Variants in DDX20 observed in about 807,000 individuals in gnomAD.
The protein encoded by DDX20 is probable ATP-dependent RNA helicase DDX20.
A neutral mutation model predicts 76.4 loss-of-function variants in DDX20; 61 were observed. The observed-to-expected ratio is 0.80, with a 90% CI of 0.65 to 0.99. The LOEUF is 0.99. Ranked by LOEUF, DDX20 falls within the 50% of genes least tolerant of loss-of-function variation. The pLI is 0.00. For synonymous variants in DDX20, 357 were observed against 357.4 expected (o/e 1.00, Z 0.01); for missense variants, 976 against 996.8 (o/e 0.98, Z 0.28).
intron 2 of DDX20, 29 bp downstream of exon 2, chr1:111,756,769 A>T: frequency 6.3e-7 from 1 of 1,576,932 alleles, no homozygotes. Context: ...CCAGAGGAGG[A>T]TGTGTTTTGT....
At chr1:111,762,476 A>G in intron 8 of DDX20, 139 bp downstream of exon 8, 1 of 853,324 alleles carries the variant, frequency 1.2e-6, no homozygotes, top group Non-Finnish European at 1.8e-6. Flanking sequence ...AGTGCTGAGG[A>G]AAATACTTTC....
At position 111,767,897 on chromosome 1, in the gene DDX20, AT is replaced by A; in HGVS notation, c.*1002del. On this transcript the variant is annotated 3_prime_UTR_variant, in exon 11 of 11. Coordinates refer to ENST00000369702, the MANE Select transcript of DDX20 (RefSeq NM_007204.5). Reference sequence around the variant, plus strand: ...ATCCTAATTTTGTGTCTTCTAGAAAATTTTCCCCAGTTTTTACCTCTAATGT... The same window carrying A: ...ATCCTAATTTTGTGTCTTCTAGAAAATTTCCCCAGTTTTTACCTCTAATGT... 1 of 152,096 alleles carries A rather than the reference AT, an allele frequency of 6.6e-6. No individual in the cohort carries two copies. The highest frequency in any genetic ancestry group is 6.5e-5 in the Admixed American group (1 of 15,284). 9.4% of individuals were successfully genotyped at this position (152,096 alleles called of 1,614,324 possible). A position where few individuals can be genotyped will look rare whatever the true frequency, so the allele number is the denominator to read the frequency against.
chr1:111,765,810 T>C lies in DDX20; in HGVS notation c.1386T>C (p.Tyr462=). Residue 462 remains tyrosine, a synonymous_variant, in exon 11 of 11, where the codon TAT becomes TAC. Transcript: ENST00000369702. ...DVEVKAAVHT[Y]GIASVPNQPL... ...AAGTTAAAGCTGCTGTGCATACATATGGTATAGCAAGTGTACCTAACCAAC... is the reference window on the plus strand; with the variant it reads ...AAGTTAAAGCTGCTGTGCATACATACGGTATAGCAAGTGTACCTAACCAAC... 9.3e-6 allele frequency: 15 copies of C among 1,613,888 alleles called. No homozygotes were observed. The highest frequency in any genetic ancestry group is 5.3e-5 in the African/African-American group (4 of 75,044).
At chr1:111,756,321 G>A in intron 1 of DDX20, 96 bp downstream of exon 1, 2 of 1,294,864 alleles carry the variant, frequency 1.5e-6, no homozygotes, top group Non-Finnish European at 2.0e-6. Context: ...CTCAGGAAGA[G>A]CCCTCGGTCG....
In DDX20 at chr1:111,766,724, C is replaced by G. The variant is rs1283889158; in HGVS notation, c.2300C>G (p.Ser767Cys). ...CATAGGGAAATACGTCTGAGTTTTT[C>G]TGATACCTATCAGGATTATGAGGAG... ...DCHREIRLSF[S>C]DTYQDYEEYW... The change falls in exon 11 of 11, where the codon TCT (serine) becomes TGT (cysteine). Residue 767 changes from serine to cysteine, a missense_variant. By Grantham distance (112) the Ser-to-Cys change is moderately radical (BLOSUM62 -1). Transcript: ENST00000369702. The G allele has an allele frequency of 6.2e-7, 1 of 1,614,038 alleles. No homozygotes were observed. The highest frequency in any genetic ancestry group is 8.5e-7 in the Non-Finnish European group (1 of 1,180,002).
In DDX20 at chr1:111,761,258, A is replaced by G; in HGVS notation, c.995A>G (p.Lys332Arg). The G allele has an allele frequency of 1.2e-6, 2 of 1,613,386 alleles. No individual in the cohort carries two copies. Among genetic ancestry groups the G allele is most frequent in the South Asian group, 2.2e-5 (2 of 90,988 alleles). The change falls in exon 7 of 11, where the codon AAA (lysine) becomes AGA (arginine). Residue 332 changes from lysine to arginine, a missense_variant. Transcript: ENST00000369702. ...CATTTGGCTGATATCCTTTCTTCTA[A>G]AGGCTTTCCTGCTGAGTGCATTTCA... ...AQHLADILSS[K>R]GFPAECISGN... is the part of the protein sequence containing the mutation.
Position 111,766,594 on chromosome 1 carries a change from A to G in DDX20, c.2170A>G (p.Lys724Glu), listed in dbSNP as rs1663786138. The change falls in exon 11 of 11, where the codon AAA (lysine) becomes GAA (glutamate). Residue 724 changes from lysine to glutamate, a missense_variant. Coordinates refer to ENST00000369702, the MANE Select transcript of DDX20 (RefSeq NM_007204.5). ...SPGIQMKTRL[K>E]EGASQRAKQS... ...TGGAATCCAGATGAAGACAAGACTT[A>G]AAGAGGGGGCTAGCCAGAGAGCTAA... 1 of 1,614,216 alleles carries G rather than the reference A, an allele frequency of 6.2e-7. No individual in the cohort carries two copies. Among genetic ancestry groups the G allele is most frequent in the African/African-American group, 1.3e-5 (1 of 75,062 alleles).
In DDX20 at chr1:111,761,120, C is replaced by A; in HGVS notation, c.957C>A (p.His319Gln). 3 of 1,613,338 alleles carry A rather than the reference C, an allele frequency of 1.9e-6. No individual in the cohort carries two copies. The highest frequency in any genetic ancestry group is 2.5e-6 in the Non-Finnish European group (3 of 1,179,682). Residue 319 changes from histidine (H) to glutamine (Q), a missense_variant, in exon 6 of 11, where the codon CAC (histidine) becomes CAA (glutamine). This residue lies in a region of DDX20 where 630 missense variants were observed against 693.7 expected (regional missense o/e 0.91). Transcript: ENST00000369702. Reference protein sequence around the residue: ...FNQALVFSNLHSRAQHLADIL... With the variant: ...FNQALVFSNLQSRAQHLADIL... The stretch of plus-strand genomic sequence containing the variant: ...AAGCTTTAGTCTTTTCTAATTTGCA[C>A]AGCAGGTAATGTAACTTAAAAGGTC...
chr1:111,761,544 G>T, intron 7 of DDX20: 1 of 321,460 alleles, frequency 3.1e-6, no homozygotes, highest in Non-Finnish European at 5.7e-6. Context: ...CTCTCTTATA[G>T]CCACATATAA....
Position 111,756,147 on chromosome 1 carries a change from G to GA in DDX20, c.224dup (p.Leu77AlafsTer31). 1 of 1,568,046 alleles carries GA rather than the reference G, an allele frequency of 6.4e-7. No homozygotes were observed. On this transcript the variant is annotated frameshift_variant, in exon 1 of 11. Coordinates refer to ENST00000369702, the MANE Select transcript of DDX20 (RefSeq NM_007204.5). LOFTEE classifies it high-confidence loss of function. ...ACTGCTGCTTTCGCGGCCGGTGCTG[G>GA]AGGGGCTGCGGGCGGCCGGCTTCGA...
intron 7 of DDX20, chr1:111,761,713 G>A (rs1035188012): frequency 1.3e-5 from 2 of 155,086 alleles, no homozygotes; most frequent in Non-Finnish European, 2.8e-5. Context: ...AGTTCTTGCT[G>A]CAAAGTTAAA....
Position 111,756,010 on chromosome 1 carries a change from C to T in DDX20, c.86C>T (p.Ala29Val), listed in dbSNP as rs767053323. 30 of 1,608,838 alleles carry T rather than the reference C, an allele frequency of 1.9e-5. No homozygotes were observed. The highest frequency in any genetic ancestry group is 2.5e-5 in the Non-Finnish European group (30 of 1,177,732). The part of the protein sequence containing the change: ...PAEHVAVQVP[A>V]PEPTPGPVRI... ...GAGCATGTGGCCGTGCAGGTCCCGGCCCCAGAGCCAACACCCGGGCCTGTG... is the reference window on the plus strand; with the variant it reads ...GAGCATGTGGCCGTGCAGGTCCCGGTCCCAGAGCCAACACCCGGGCCTGTG... Residue 29 changes from alanine (A) to valine (V), a missense_variant, in exon 1 of 11, where the codon GCC becomes GTC. Transcript: ENST00000369702.
chr1:111,766,929 CTG>C lies in DDX20; in HGVS notation c.*32_*33del. On this transcript the variant is annotated 3_prime_UTR_variant, in exon 11 of 11. Transcript: ENST00000369702. ...AGGATATACCTGAGACCATCAGGAACTGTCAACAAATGATACCTTTGGATATC... is the reference window on the plus strand; with the variant it reads ...AGGATATACCTGAGACCATCAGGAACTCAACAAATGATACCTTTGGATATC... 6.6e-7 allele frequency: 1 copy of C among 1,525,218 alleles called. No individual in the cohort carries two copies. The highest frequency in any genetic ancestry group is 9.0e-7 in the Non-Finnish European group (1 of 1,115,706). 94.5% of individuals were successfully genotyped at this position (1,525,218 alleles called of 1,614,324 possible). A position where few individuals can be genotyped will look rare whatever the true frequency, so the allele number is the denominator to read the frequency against.
At chr1:111,765,540 A>G (rs1312772759) in intron 10 of DDX20, among the ~76,000 whole-genome samples, 197 bp from the exon 11 acceptor site, 1 of 152,182 alleles carries the variant, frequency 6.6e-6, no homozygotes, top group Non-Finnish European at 1.5e-5. Context: ...GATGGGTCTT[A>G]CATATTTCTT....
chr1:111,760,961 T>C (rs1187317845), intron 5 of DDX20, 26 bp from the exon 6 acceptor site: 1 of 1,608,372 alleles, frequency 6.2e-7, no homozygotes, highest in Non-Finnish European at 8.5e-7. Context: ...TATATATTTG[T>C]TTTAACTGAT....
rs1351569507 is a variant in DDX20, at chr1:111,760,691, G to C, written c.681-15G>C. Reference sequence around the variant, plus strand: ...TGTTTGAATAATTTACATGGTATCTGTTTTTATTTTGCAGTTGGATTTATT... The same window carrying C: ...TGTTTGAATAATTTACATGGTATCTCTTTTTATTTTGCAGTTGGATTTATT... On this transcript the variant is annotated splice_polypyrimidine_tract_variant and intron_variant, in intron 4 of 10. Transcript: ENST00000369702. The C allele has an allele frequency of 6.2e-7, 1 of 1,606,984 alleles. No homozygotes were observed. Among genetic ancestry groups the C allele is most frequent in the South Asian group, 1.1e-5 (1 of 89,556 alleles).
chr1:111,757,984 A>G (rs1663595051), intron 2 of DDX20, among the ~76,000 whole-genome samples: 1 of 152,026 alleles, frequency 6.6e-6, no homozygotes, highest in Non-Finnish European at 1.5e-5. Flanking sequence ...CCTCCCGAGT[A>G]GCTGGGATTA....
In DDX20 at chr1:111,761,021, C is replaced by A. The variant is rs1663663984; in HGVS notation, c.858C>A (p.Tyr286Ter). 2 of 1,613,810 alleles carry A rather than the reference C, an allele frequency of 1.2e-6. No individual in the cohort carries two copies. The highest frequency in any genetic ancestry group is 2.7e-5 in the African/African-American group (2 of 74,904). ...LKQYYKVVNSYPLAHKVFEEK... is the reference protein window; with the variant it reads ...LKQYYKVVNS ...AGTATTACAAAGTTGTCAATTCATACCCTTTGGCACATAAGGTTTTTGAGG... is the reference window on the plus strand; with the variant it reads ...AGTATTACAAAGTTGTCAATTCATAACCTTTGGCACATAAGGTTTTTGAGG... Residue 286 changes from tyrosine (Y) to a stop codon, truncating the protein, a stop_gained, in exon 6 of 11, where the codon TAC becomes TAA. Coordinates refer to ENST00000369702, the MANE Select transcript of DDX20 (RefSeq NM_007204.5). LOFTEE classifies it high-confidence loss of function.
chr1:111,762,270 A>T lies in DDX20; in HGVS notation c.1037A>T (p.Asn346Ile). Residue 346 changes from asparagine (N) to isoleucine (I), a missense_variant, in exon 8 of 11, where the codon AAT (asparagine) becomes ATT (isoleucine). Around this residue, in one of 3 missense-constraint regions of DDX20, gnomAD observed 630 missense variants for 693.7 expected, o/e 0.91. Coordinates refer to ENST00000369702, the MANE Select transcript of DDX20 (RefSeq NM_007204.5). ...AECISGNMNQNQRLDAMAKLK... is the reference protein window; with the variant it reads ...AECISGNMNQIQRLDAMAKLK... ...GTCCTTTTAGGCAATATGAATCAGA[A>T]TCAGCGTCTTGATGCTATGGCTAAA... The T allele has an allele frequency of 6.8e-6, 11 of 1,613,210 alleles. No individual in the cohort carries two copies. The highest frequency in any genetic ancestry group is 9.3e-6 in the Non-Finnish European group (11 of 1,179,710).
Sources: gnomAD v4.1 joint callset for allele counts (sites outside exome capture counted in the v4.1 genomes callset) on GRCh38, gnomAD v4.1.1 for gene constraint, gnomAD v4.1.1 regional missense constraint, MANE v1.5 for transcripts, NCBI Gene and HGNC (gene_info 2026-07-23, HGNC 2026-07-21) for gene names.